GALNTL6: variants seen among roughly 807,000 people sequenced by gnomAD.
GALNTL6 encodes the protein polypeptide N-acetylgalactosaminyltransferase like 6.
In GALNTL6, 46 loss-of-function variants were observed where a neutral mutation model predicts 73.7. That is an observed-to-expected ratio of 0.62 (90% CI 0.49 to 0.80). The LOEUF (loss-of-function observed/expected upper bound fraction) is 0.80. Ranked by LOEUF, GALNTL6 falls within the 30% of genes least tolerant of loss-of-function variation. GALNTL6 has a pLI of 0.00. For missense variants in GALNTL6, 604 were observed against 755.0 expected (o/e 0.80, Z 2.34); for synonymous variants, 259 against 263.7 (o/e 0.98, Z 0.17).
intron 4 of GALNTL6, among the ~76,000 whole-genome samples, chr4:172,323,542 A>T (rs775834927): frequency 1.3e-5 from 2 of 152,140 alleles, no homozygotes; most frequent in Non-Finnish European, 2.9e-5. Flanking sequence ...CCTTAAATGA[A>T]CCAAAATAGT....
At chr4:172,224,546 G>A (rs1184094452) in intron 2 of GALNTL6, among the ~76,000 whole-genome samples, 1 of 152,180 alleles carries the variant, frequency 6.6e-6, no homozygotes, top group Admixed American at 6.5e-5. Flanking sequence ...TTGTAGTTAT[G>A]ATAAATAAGT....
intron 4 of GALNTL6, among the ~76,000 whole-genome samples, chr4:172,315,155 A>T (rs1192838700): frequency 6.6e-6 from 1 of 152,130 alleles, no homozygotes; most frequent in African/African-American, 2.4e-5. Flanking sequence ...TGCTCTTAAC[A>T]TCTCTCTATC....
At chr4:172,993,112 G>A (rs73870333) in intron 10 of GALNTL6, among the ~76,000 whole-genome samples, 6,242 of 152,196 alleles carry the variant, frequency 0.041, 285 homozygotes, top group African/African-American at 0.11. Flanking sequence ...CCAAAAATTC[G>A]TATGTTGAAG....
At chr4:172,040,373 A>G (rs747546060) in intron 2 of GALNTL6, among the ~76,000 whole-genome samples, 4 of 152,060 alleles carry the variant, frequency 2.6e-5, no homozygotes, top group Admixed American at 1.3e-4. Context: ...TATGCAAAGA[A>G]CTTTGTTTTT....
At chr4:172,853,111 G>A (rs536750179) in intron 7 of GALNTL6, among the ~76,000 whole-genome samples, 1 of 152,124 alleles carries the variant, frequency 6.6e-6, no homozygotes, top group Non-Finnish European at 1.5e-5. Context: ...GGGATGCCCC[G>A]CATAGGGTTT....
At position 171,868,515 on chromosome 4, in the gene GALNTL6, AT is replaced by A. The variant is rs545705406; in HGVS notation, c.138+53798del. On this transcript the variant is annotated intron_variant, in intron 2 of 12. Coordinates refer to ENST00000506823, the MANE Select transcript of GALNTL6 (RefSeq NM_001034845.3). ...AGTGGCTCTGGAGTGAAAGAAGAAAATGCAGGACTTGACACAAATATCCAGC... is the reference window on the plus strand; with the variant it reads ...AGTGGCTCTGGAGTGAAAGAAGAAAAGCAGGACTTGACACAAATATCCAGC... Among the ~76,000 whole-genome samples, 531 of 152,272 alleles carry A rather than the reference AT, an allele frequency of 3.5e-3. 2 individuals carry two copies. Among genetic ancestry groups the A allele is most frequent in the African/African-American group, 0.012 (514 of 41,546 alleles).
At chr4:172,828,497 A>T (rs1238738592) in intron 7 of GALNTL6, among the ~76,000 whole-genome samples, 1 of 152,114 alleles carries the variant, frequency 6.6e-6, no homozygotes, top group Non-Finnish European at 1.5e-5. Flanking sequence ...CAGACACAGG[A>T]TCCTATGAGC....
At chr4:172,139,678 T>A (rs1332066369) in intron 2 of GALNTL6, among the ~76,000 whole-genome samples, 1 of 152,200 alleles carries the variant, frequency 6.6e-6, no homozygotes, top group East Asian at 1.9e-4. Flanking sequence ...ACTTGTGCCT[T>A]CCAGGCAAAT....
intron 2 of GALNTL6, among the ~76,000 whole-genome samples, chr4:171,865,431 G>C (rs1446197500): frequency 6.6e-6 from 1 of 152,066 alleles, no homozygotes; most frequent in Non-Finnish European, 1.5e-5. Flanking sequence ...AATTGATCAG[G>C]AAGAAAAATA....
intron 5 of GALNTL6, among the ~76,000 whole-genome samples, chr4:172,456,326 G>A (rs747857341): frequency 1.6e-4 from 24 of 151,926 alleles, no homozygotes; most frequent in Non-Finnish European, 4.4e-5. Flanking sequence ...TGCCAACAAG[G>A]AAACAAAACT....
At chr4:172,660,143 C>T (rs1195455149) in intron 5 of GALNTL6, among the ~76,000 whole-genome samples, 1 of 152,188 alleles carries the variant, frequency 6.6e-6, no homozygotes, top group African/African-American at 2.4e-5. Flanking sequence ...ATTGGCTCAG[C>T]CAAGATCACA....
At chr4:172,677,481 T>C (rs774652377) in intron 5 of GALNTL6, among the ~76,000 whole-genome samples, 2 of 152,162 alleles carry the variant, frequency 1.3e-5, no homozygotes, top group Non-Finnish European at 2.9e-5. Flanking sequence ...GTTCCAAATA[T>C]GGAGTTTAAT....
intron 4 of GALNTL6, among the ~76,000 whole-genome samples, chr4:172,344,532 A>G (rs1033562585): frequency 6.6e-6 from 1 of 152,210 alleles, no homozygotes; most frequent in African/African-American, 2.4e-5. Context: ...ACTCTTTGCC[A>G]TCTGCAACAC....
At chr4:172,035,473 A>G (rs1741905086) in intron 2 of GALNTL6, among the ~76,000 whole-genome samples, 1 of 142,502 alleles carries the variant, frequency 7.0e-6, no homozygotes, top group Non-Finnish European at 1.6e-5. Context: ...TTGTTATAAT[A>G]TAACTAAGTA....
rs141190450 is a variant in GALNTL6 at position 171,814,543 on chromosome 4, C to T, written c.-38C>T. The T allele has an allele frequency of 1.0e-3, 1,616 of 1,609,238 alleles. 16 individuals carry two copies. In the African/African-American group the frequency reaches 0.018, roughly 18 times the overall value. On this transcript the variant is annotated 5_prime_UTR_variant, in exon 2 of 13. Coordinates refer to ENST00000506823, the MANE Select transcript of GALNTL6 (RefSeq NM_001034845.3). ...TTAAACACAAGAAGCAGTCAGGGAG[C>T]CATCTCCTTTAACTTTTCTTCTCTG...
chr4:172,227,078 T>C (rs541219034), intron 2 of GALNTL6, among the ~76,000 whole-genome samples: 1 of 152,290 alleles, frequency 6.6e-6, no homozygotes. Context: ...TGCCTATTCA[T>C]ACTCATGAGT....
chr4:172,105,669 C>T (rs1423705180), intron 2 of GALNTL6, among the ~76,000 whole-genome samples: 5 of 151,946 alleles, frequency 3.3e-5, no homozygotes, highest in Non-Finnish European at 1.5e-5. Context: ...ACAATAGATT[C>T]TTAAATATGA....
chr4:172,406,923 C>T (rs1324787637), intron 5 of GALNTL6, among the ~76,000 whole-genome samples: 2 of 151,876 alleles, frequency 1.3e-5, no homozygotes, highest in East Asian at 1.9e-4. Flanking sequence ...TGTGAATTAA[C>T]GTCCAGTTTA....
intron 5 of GALNTL6, among the ~76,000 whole-genome samples, chr4:172,366,996 G>A (rs1189260709): frequency 6.6e-6 from 1 of 152,184 alleles, no homozygotes; most frequent in East Asian, 1.9e-4. Flanking sequence ...TAGCTTCTGA[G>A]ATTTAAGTTG....
Sources: gnomAD v4.1 joint callset for allele counts (sites outside exome capture counted in the v4.1 genomes callset) on GRCh38, gnomAD v4.1.1 for gene constraint, MANE v1.5 for transcripts, NCBI Gene and HGNC (gene_info 2026-07-23, HGNC 2026-07-21) for gene names.